Variants in NRXN1 observed in about 807,000 individuals in gnomAD.
NRXN1 encodes the protein neurexin 1, also known as neurexin-1.
NRXN1 carries 39 observed loss-of-function variants against 150.9 expected under a neutral mutation model. The observed-to-expected ratio is 0.26, with a 90% CI of 0.20 to 0.34. The LOEUF (loss-of-function observed/expected upper bound fraction) is 0.34. NRXN1 is among the 10% of genes least tolerant of loss of function. NRXN1 has a pLI of 1.00. For missense variants in NRXN1, 1,815 were observed against 1,949.9 expected, an observed-to-expected ratio of 0.93 and a Z score of 1.30; for synonymous variants, 924 against 757.0, an observed-to-expected ratio of 1.22 and a Z score of -3.62.
intron 18 of NRXN1, among the ~76,000 whole-genome samples, chr2:50,219,975 AAT>A (rs1421348207): frequency 4.3e-4 from 11 of 25,754 alleles, no homozygotes; most frequent in Non-Finnish European, 6.8e-4. Flanking sequence ...ATATATATAT[AAT>A]ATATATATTA....
chr2:50,293,683 A>G (rs1473648734), intron 17 of NRXN1, among the ~76,000 whole-genome samples: 3 of 152,190 alleles, frequency 2.0e-5, no homozygotes, highest in Admixed American at 6.5e-5. Context: ...CTGTAGAAAT[A>G]CACACTGCTA....
intron 2 of NRXN1, among the ~76,000 whole-genome samples, chr2:50,964,617 T>C (rs528797304): frequency 2.0e-5 from 3 of 151,594 alleles, no homozygotes. Context: ...ACAAATTTCT[T>C]TTGAGAAACA....
chr2:50,971,304 G>A (rs940150126), intron 2 of NRXN1, among the ~76,000 whole-genome samples: 4 of 152,130 alleles, frequency 2.6e-5, no homozygotes, highest in African/African-American at 9.7e-5. Flanking sequence ...ACAATAACAG[G>A]CCGGGCGTGG....
chr2:50,347,342 C>T lies in NRXN1; in HGVS notation c.3365-110372G>A. The stretch of plus-strand genomic sequence containing the variant: ...GCCGAGAAATTGTTTAAAGCTCCTC[C>T]TGGAAGGTCCTCACTTCTACATGAC... On this transcript the variant is annotated intron_variant, in intron 17 of 22. Coordinates refer to ENST00000401669, the MANE Select transcript of NRXN1 (RefSeq NM_001330078.2). This position sits in a 1 kb window ranked among gnomAD's most constrained non-coding sequence, Gnocchi z 4.9. 1.6e-6 allele frequency: 2 copies of T among 1,237,834 alleles called. No individual in the cohort carries two copies. Among genetic ancestry groups the T allele is most frequent in the Non-Finnish European group, 2.1e-6 (2 of 964,856 alleles). 76.7% of individuals were successfully genotyped at this position (1,237,834 alleles called of 1,614,324 possible).
In NRXN1 at chr2:50,478,653, T is replaced by C. The variant is rs1286157917; in HGVS notation, c.3071-6182A>G. Among the ~76,000 whole-genome samples, 6 of 152,300 alleles carry C rather than the reference T, an allele frequency of 3.9e-5. No homozygotes were observed. The East Asian group carries it at 7.7e-4, about 20-fold the overall frequency. ...TTTTTGCTTCTGTAGGAAATAACCA[T>C]AAATTATTATCTTTAGGCGTGTCCT... is the stretch of plus-strand genomic sequence containing the variant. On this transcript the variant is annotated intron_variant, in intron 15 of 22. Coordinates refer to ENST00000401669, the MANE Select transcript of NRXN1 (RefSeq NM_001330078.2).
chr2:49,993,807 G>C (rs902595775), intron 21 of NRXN1, among the ~76,000 whole-genome samples: 10 of 152,134 alleles, frequency 6.6e-5, no homozygotes, highest in Non-Finnish European at 1.3e-4. Context: ...AAATCCAAAG[G>C]TTCTGAATTC....
intron 5 of NRXN1, among the ~76,000 whole-genome samples, chr2:50,780,846 G>A (rs769452836): frequency 4.6e-5 from 7 of 151,804 alleles, no homozygotes; most frequent in Non-Finnish European, 8.8e-5. Context: ...TTGCTTTTCC[G>A]GTAACCATCC....
intron 5 of NRXN1, among the ~76,000 whole-genome samples, chr2:50,756,735 T>C (rs1037115994): frequency 6.6e-6 from 1 of 151,838 alleles, no homozygotes; most frequent in Non-Finnish European, 1.5e-5. Flanking sequence ...TTTCTCATGT[T>C]AAGATCCACA....
intron 17 of NRXN1, among the ~76,000 whole-genome samples, chr2:50,432,010 T>C (rs534192095): frequency 6.6e-6 from 1 of 152,334 alleles, no homozygotes; most frequent in African/African-American, 2.4e-5. Flanking sequence ...GCAATGCTAC[T>C]GTACAGATAT....
chr2:50,637,601 G>T (rs1683420019), intron 5 of NRXN1: 1 of 152,218 alleles, frequency 6.6e-6, no homozygotes, highest in Admixed American at 6.5e-5. Flanking sequence ...TGAACTCACA[G>T]TTCCTGGTCT....
chr2:50,721,367 A>G (rs1696633863), intron 5 of NRXN1, among the ~76,000 whole-genome samples: 1 of 152,208 alleles, frequency 6.6e-6, no homozygotes, highest in Non-Finnish European at 1.5e-5. Flanking sequence ...CATTAGAGCT[A>G]AGAACAGGAT....
chr2:50,179,428 T>C (rs766674857), intron 18 of NRXN1, among the ~76,000 whole-genome samples: 81 of 152,170 alleles, frequency 5.3e-4, no homozygotes, highest in Non-Finnish European at 7.6e-4. Flanking sequence ...GAGTTTTTCA[T>C]CAGTAATGGG....
chr2:50,736,539 G>A (rs1238756984), intron 5 of NRXN1, among the ~76,000 whole-genome samples: 2 of 152,158 alleles, frequency 1.3e-5, no homozygotes, highest in Non-Finnish European at 2.9e-5. Flanking sequence ...GACCTGGTGA[G>A]AGATAATTGA....
intron 5 of NRXN1, among the ~76,000 whole-genome samples, chr2:50,644,153 G>A (rs866491458): frequency 2.5e-4 from 38 of 150,268 alleles, no homozygotes; most frequent in African/African-American, 9.0e-4. Flanking sequence ...GGATCTTCAT[G>A]TGGAAAAAAA....
chr2:50,989,578 T>C (rs1698236579), intron 2 of NRXN1, among the ~76,000 whole-genome samples: 1 of 151,998 alleles, frequency 6.6e-6, no homozygotes, highest in Non-Finnish European at 1.5e-5. Context: ...GTTGGTTTCT[T>C]GCCCTTAGTG....
rs759011919 is a variant in NRXN1 at position 51,027,989 on chromosome 2, G to A, written c.285C>T (p.Ile95=). The change falls in exon 2 of 23, where the codon ATC becomes ATT. Residue 95 remains isoleucine, a synonymous_variant. Transcript: ENST00000401669. ...GGAGCGTCGCAGGCTCAGCGCAGAA[G>A]ATGGAGAAGCTGAGCTGCAGGCGGC... The part of the protein sequence containing the change: ...RGGRLQLSFS[I]FCAEPATLLA... 1 of 1,601,298 alleles carries A rather than the reference G, an allele frequency of 6.2e-7. No individual in the cohort carries two copies. Among genetic ancestry groups the A allele is most frequent in the Non-Finnish European group, 8.5e-7 (1 of 1,178,904 alleles).
chr2:50,906,907 T>A (rs1190242981), intron 5 of NRXN1, among the ~76,000 whole-genome samples: 1 of 151,806 alleles, frequency 6.6e-6, no homozygotes, highest in Non-Finnish European at 1.5e-5. Flanking sequence ...GCATGCTGAG[T>A]ACTTGGAACT....
intron 21 of NRXN1, among the ~76,000 whole-genome samples, chr2:49,957,176 T>C (rs969473792): frequency 2.0e-5 from 3 of 152,186 alleles, no homozygotes; most frequent in Non-Finnish European, 4.4e-5. Flanking sequence ...ATCCCAGCTC[T>C]GCCACTTACT....
intron 18 of NRXN1, among the ~76,000 whole-genome samples, chr2:50,198,704 G>A (rs4971661): frequency 0.19 from 29,068 of 151,736 alleles, 3,191 homozygotes; most frequent in East Asian, 0.4. Context: ...AAAGTGCAGG[G>A]ATCCTAAAAC....
Sources: allele counts gnomAD v4.1 joint callset (sites outside exome capture counted in the v4.1 genomes callset), GRCh38; gene constraint gnomAD v4.1.1; non-coding constraint Gnocchi (gnomAD v3.1); transcripts MANE v1.5; gene names NCBI Gene and HGNC (gene_info 2026-07-23, HGNC 2026-07-21).